The following NXN variants were observed in gnomAD, a reference collection of about 807,000 sequenced individuals.
NXN encodes nucleoredoxin, also known as nucleoredoxin 1.
NXN carries 16 observed loss-of-function variants against 48.6 expected under a neutral mutation model. The ratio of observed to expected loss-of-function variants is 0.33; its 90% CI spans 0.22 to 0.50. The LOEUF is 0.50. NXN is among the 20% of genes least tolerant of loss of function. The pLI is 0.98. For synonymous variants in NXN, 281 were observed against 269.6 expected, an observed-to-expected ratio of 1.04 and a Z score of -0.41; for missense variants, 492 against 605.5, an observed-to-expected ratio of 0.81 and a Z score of 1.97.
chr17:909,264 C>T (rs1439554056), intron 1 of NXN, among the ~76,000 whole-genome samples: 1 of 152,070 alleles, frequency 6.6e-6, no homozygotes, highest in Non-Finnish European at 1.5e-5. Flanking sequence ...TAAAACATTG[C>T]AAAATCTGAA....
rs567202899 is a variant in NXN at position 963,636 on chromosome 17, T to A, written c.360+15683A>T. Among the ~76,000 whole-genome samples, 117 of 152,066 alleles carry A rather than the reference T, an allele frequency of 7.7e-4. 4 individuals carry two copies. The highest frequency in any genetic ancestry group is 8.7e-4 in the African/African-American group (36 of 41,498). On this transcript the variant is annotated intron_variant, in intron 1 of 7. Transcript: ENST00000336868. ...AGGACAAAAAGGAAATTTTTTTTTTTAAAATGCTAAATTGATTTGCGCAAA... is the reference window on the plus strand; with the variant it reads ...AGGACAAAAAGGAAATTTTTTTTTTAAAAATGCTAAATTGATTTGCGCAAA...
intron 5 of NXN, among the ~76,000 whole-genome samples, chr17:817,915 A>C (rs1375748959): frequency 6.6e-6 from 1 of 152,140 alleles, no homozygotes; most frequent in Admixed American, 6.5e-5. Flanking sequence ...AAGGCTGGGA[A>C]GGAGGTATTC....
At chr17:822,746 A>C (rs1912885137) in intron 3 of NXN, among the ~76,000 whole-genome samples, 1 of 152,144 alleles carries the variant, frequency 6.6e-6, no homozygotes. Context: ...TGGCACAAGC[A>C]CCCGCATTGT....
chr17:853,738 T>TTTTTTTTTTTTTTTTTTCC (rs1555614493), intron 1 of NXN, among the ~76,000 whole-genome samples: 7 of 143,612 alleles, frequency 4.9e-5, no homozygotes, highest in African/African-American at 1.9e-4. Context: ...TTTTTTTTTT[T>TTTTTTTTTTTTTTTTTTCC]CCAAGACGGA....
chr17:912,879 G>C (rs778391258), intron 1 of NXN, among the ~76,000 whole-genome samples: 1 of 151,966 alleles, frequency 6.6e-6, no homozygotes, highest in African/African-American at 2.4e-5. Context: ...GCTTGAACCC[G>C]GGAGATGGAG....
intron 1 of NXN, among the ~76,000 whole-genome samples, chr17:888,423 G>T (rs942930644): frequency 2.0e-5 from 3 of 152,056 alleles, no homozygotes; most frequent in African/African-American, 7.2e-5. Context: ...GTCTCGCTGT[G>T]TTGCCCAGTC....
rs949751501 is a variant in NXN, at chr17:800,315, C to T, written c.*634G>A. On this transcript the variant is annotated 3_prime_UTR_variant, in exon 8 of 8. Coordinates refer to ENST00000336868, the MANE Select transcript of NXN (RefSeq NM_022463.5). ...GGATTCGTTAACAGAATTTCAGGAT[C>T]GTGGGAGCTGTTTGTATGATATGAA... The T allele has an allele frequency of 1.3e-5, 2 of 152,192 alleles. No homozygotes were observed. The highest frequency in any genetic ancestry group is 2.1e-4 in the South Asian group (1 of 4,830). The allele number at this position is 152,192 out of a possible 1,614,324, so 9.4% of individuals were successfully genotyped here. A position where few individuals can be genotyped will look rare whatever the true frequency, so the allele number is the denominator to read the frequency against.
chr17:914,779 T>C (rs2068669936), intron 1 of NXN, among the ~76,000 whole-genome samples: 1 of 151,988 alleles, frequency 6.6e-6, no homozygotes, highest in African/African-American at 2.4e-5. Context: ...CTGTTGGGTG[T>C]AGAGGAGGCG....
In NXN at chr17:864,137, G is replaced by A. The variant is rs523626; in HGVS notation, c.361-38059C>T. On this transcript the variant is annotated intron_variant, in intron 1 of 7. Coordinates refer to ENST00000336868, the MANE Select transcript of NXN (RefSeq NM_022463.5). ...ACCGTTGCTCACTTCCGGTGAAGGG[G>A]CACGTTCACCGTTGCTCGGTTCCGG... The A allele has an allele frequency of 1.4e-3, 1,856 of 1,289,740 alleles. 3 individuals carry two copies. Among genetic ancestry groups the A allele is most frequent in the African/African-American group, 3.7e-3 (187 of 50,826 alleles). 79.9% of individuals were successfully genotyped at this position (1,289,740 alleles called of 1,614,324 possible).
chr17:967,251 C>CTT (rs1191358529), intron 1 of NXN, among the ~76,000 whole-genome samples: 1 of 152,168 alleles, frequency 6.6e-6, no homozygotes, highest in African/African-American at 2.4e-5. Flanking sequence ...CAAGGGCGAC[C>CTT]ATGCCGGACT....
chr17:843,041 A>C (rs1251563153), intron 1 of NXN, among the ~76,000 whole-genome samples: 73 of 141,426 alleles, frequency 5.2e-4, no homozygotes, highest in African/African-American at 2.1e-3. Context: ...AGAAAGAAAG[A>C]AAGAAAGAAA....
chr17:805,056 T>A lies in NXN; in HGVS notation c.1000+12A>T, dbSNP rs1474506511. On this transcript the variant is annotated intron_variant, in intron 6 of 7. Coordinates refer to ENST00000336868, the MANE Select transcript of NXN (RefSeq NM_022463.5). ...AGCCACCCCTCGCCCCCTGCCCCCG[T>A]GAGCTTCATACCTACAAAAAGGACG... 1.3e-6 allele frequency: 2 copies of A among 1,492,744 alleles called. No homozygotes were observed. Among genetic ancestry groups the A allele is most frequent in the Non-Finnish European group, 1.8e-6 (2 of 1,101,850 alleles). The allele number at this position is 1,492,744 out of a possible 1,614,324, so 92.5% of individuals were successfully genotyped here.
At chr17:855,059 T>C (rs2067971156) in intron 1 of NXN, among the ~76,000 whole-genome samples, 2 of 151,870 alleles carry the variant, frequency 1.3e-5, no homozygotes, top group Non-Finnish European at 2.9e-5. Context: ...GGAGGGTCAA[T>C]TGAGCACAAG....
At chr17:841,571 C>A (rs868553156) in intron 1 of NXN, among the ~76,000 whole-genome samples, 1 of 111,758 alleles carries the variant, frequency 8.9e-6, no homozygotes, top group Admixed American at 9.1e-5. Context: ...CCCCTGACCA[C>A]GGAGCATCTC....
intron 7 of NXN, among the ~76,000 whole-genome samples, chr17:802,998 G>A (rs1031663178): frequency 2.0e-5 from 3 of 152,336 alleles, no homozygotes; most frequent in Middle Eastern, 3.4e-3. Flanking sequence ...CTGGGTTGGA[G>A]GAGCTCAAGA....
chr17:937,317 G>C (rs1363842752), intron 1 of NXN, among the ~76,000 whole-genome samples: 2 of 151,944 alleles, frequency 1.3e-5, no homozygotes, highest in African/African-American at 4.8e-5. Context: ...AAAAAGAAGA[G>C]CCCAGGAGTC....
At chr17:871,286 G>C (rs867998467) in intron 1 of NXN, among the ~76,000 whole-genome samples, 1 of 152,006 alleles carries the variant, frequency 6.6e-6, no homozygotes, top group African/African-American at 2.4e-5. Context: ...GTTAGAACCT[G>C]GTCACTGTGG....
chr17:950,585 G>A (rs1481402764), intron 1 of NXN, among the ~76,000 whole-genome samples: 1 of 151,646 alleles, frequency 6.6e-6, no homozygotes, highest in South Asian at 2.1e-4. Flanking sequence ...GGGTGCAAAC[G>A]GCCAGGCCAG....
intron 1 of NXN, among the ~76,000 whole-genome samples, chr17:943,691 G>A (rs2069007974): frequency 6.6e-6 from 1 of 151,328 alleles, no homozygotes; most frequent in Admixed American, 6.6e-5. Context: ...GCTTGGTGAT[G>A]CACGCCTGTA....
Sources: gnomAD v4.1 joint callset for allele counts (sites outside exome capture counted in the v4.1 genomes callset) on GRCh38, gnomAD v4.1.1 for gene constraint, MANE v1.5 for transcripts, NCBI Gene and HGNC (gene_info 2026-07-23, HGNC 2026-07-21) for gene names.